The following GIPC2 variants were observed in gnomAD, a reference collection of about 807,000 sequenced individuals.
GIPC2 encodes the protein PDZ domain-containing protein GIPC2.
A neutral mutation model predicts 30.6 loss-of-function variants in GIPC2; 30 were observed. The ratio of observed to expected loss-of-function variants is 0.98; its 90% CI spans 0.73 to 1.33. The LOEUF (loss-of-function observed/expected upper bound fraction) is 1.33. GIPC2 is among the 40% of genes most tolerant of loss of function. The pLI is 0.00. For synonymous variants in GIPC2, 167 were observed against 150.0 expected, an observed-to-expected ratio of 1.11 and a Z score of -0.83; for missense variants, 414 against 390.3, an observed-to-expected ratio of 1.06 and a Z score of -0.51.
intron 1 of GIPC2, among the ~76,000 whole-genome samples, chr1:78,076,456 T>C (rs752361833): frequency 7.9e-5 from 12 of 152,150 alleles, no homozygotes; most frequent in Admixed American, 2.0e-4. Flanking sequence ...AGTGGGATGG[T>C]CTCTGGATGA....
At chr1:78,120,963 C>G (rs1008368439) in intron 4 of GIPC2, among the ~76,000 whole-genome samples, 1 of 152,196 alleles carries the variant, frequency 6.6e-6, no homozygotes, top group Non-Finnish European at 1.5e-5. Flanking sequence ...GCTCACATGT[C>G]TTGTTCACTG....
chr1:78,055,087 G>C (rs1661263597), intron 1 of GIPC2, among the ~76,000 whole-genome samples: 1 of 152,184 alleles, frequency 6.6e-6, no homozygotes, highest in Non-Finnish European at 1.5e-5. Flanking sequence ...AAAATTTATT[G>C]ACTGGGAAGT....
chr1:78,107,324 T>G (rs1245437890), intron 3 of GIPC2, among the ~76,000 whole-genome samples: 1 of 151,914 alleles, frequency 6.6e-6, no homozygotes, highest in Non-Finnish European at 1.5e-5. Context: ...TTTCAGTGTT[T>G]TGTAGAGATG....
At chr1:78,065,118 A>C (rs1167332915) in intron 1 of GIPC2, among the ~76,000 whole-genome samples, 10 of 152,186 alleles carry the variant, frequency 6.6e-5, no homozygotes. Flanking sequence ...GACTATAGAC[A>C]AAAGCCACCA....
Position 78,113,646 on chromosome 1 carries a change from C to G in GIPC2, c.608-5747C>G, listed in dbSNP as rs184138402. Among the ~76,000 whole-genome samples, 649 of 152,270 alleles carry G rather than the reference C, an allele frequency of 4.3e-3. 1 individual carries two copies. The highest frequency in any genetic ancestry group is 7.1e-3 in the Non-Finnish European group (485 of 68,036). On this transcript the variant is annotated intron_variant, in intron 3 of 5. Transcript: ENST00000370759. ...TCAAGTGATCCGCCACCCTTGGCCT[C>G]TCAAAACGCTGGGATTAGAGGCGTG...
intron 1 of GIPC2, among the ~76,000 whole-genome samples, chr1:78,071,715 A>G (rs1285228324): frequency 6.6e-6 from 1 of 151,862 alleles, no homozygotes; most frequent in Non-Finnish European, 1.5e-5. Context: ...GTGTGCTGTC[A>G]CGCCTGTCTT....
At chr1:78,058,450 C>T (rs1211992166) in intron 1 of GIPC2, among the ~76,000 whole-genome samples, 1 of 152,024 alleles carries the variant, frequency 6.6e-6, no homozygotes. Flanking sequence ...GAAGGATTCA[C>T]TCAGAGCGCT....
chr1:78,070,820 A>G (rs1661604268), intron 1 of GIPC2, among the ~76,000 whole-genome samples: 1 of 152,042 alleles, frequency 6.6e-6, no homozygotes. Flanking sequence ...ATATTATTTT[A>G]CTCATTAGTA....
chr1:78,095,359 T>C (rs372701667), intron 3 of GIPC2, among the ~76,000 whole-genome samples: 1 of 152,172 alleles, frequency 6.6e-6, no homozygotes, highest in Non-Finnish European at 1.5e-5. Context: ...TTCCAAACAT[T>C]TGAAATTACA....
chr1:78,126,550 GA>G (rs66776463), intron 5 of GIPC2, among the ~76,000 whole-genome samples: 33,218 of 146,104 alleles, frequency 0.23, 4,072 homozygotes, highest in East Asian at 0.61. Context: ...CTGGCTTAAG[GA>G]AAAAAAAAAA....
Position 78,046,060 on chromosome 1 carries a change from C to T in GIPC2, c.-35C>T, listed in dbSNP as rs1157992049. 2 of 1,403,304 alleles carry T rather than the reference C, an allele frequency of 1.4e-6. No homozygotes were observed. The highest frequency in any genetic ancestry group is 1.8e-6 in the Non-Finnish European group (2 of 1,081,334). 86.9% of individuals were successfully genotyped at this position (1,403,304 alleles called of 1,614,324 possible). On this transcript the variant is annotated 5_prime_UTR_variant, in exon 1 of 6. Coordinates refer to ENST00000370759, the MANE Select transcript of GIPC2 (RefSeq NM_017655.6). Reference sequence around the variant, plus strand: ...GCCGGGGGGAGGAGGCGGCGGACGGCAGCGCAGGTGGGCCCGCGCTCTCGG... The same window carrying T: ...GCCGGGGGGAGGAGGCGGCGGACGGTAGCGCAGGTGGGCCCGCGCTCTCGG...
chr1:78,085,241 T>C (rs564437870), intron 2 of GIPC2, among the ~76,000 whole-genome samples: 1 of 152,234 alleles, frequency 6.6e-6, no homozygotes, highest in South Asian at 2.1e-4. Context: ...TTTATTGATA[T>C]GCTTATGTTG....
chr1:78,065,697 A>G (rs908063771), intron 1 of GIPC2, among the ~76,000 whole-genome samples: 1 of 152,322 alleles, frequency 6.6e-6, no homozygotes, highest in Non-Finnish European at 1.5e-5. Context: ...GTACAACAAT[A>G]GATATATAGA....
intron 2 of GIPC2, chr1:78,094,747 C>T (rs920366347): frequency 1.8e-5 from 8 of 436,588 alleles, no homozygotes; most frequent in African/African-American, 1.6e-4. Context: ...ATTGTTATGT[C>T]AATACATTGT....
At chr1:78,077,548 A>G (rs1394742254) in intron 1 of GIPC2, among the ~76,000 whole-genome samples, 1 of 152,164 alleles carries the variant, frequency 6.6e-6, no homozygotes, top group Non-Finnish European at 1.5e-5. Flanking sequence ...TTAAGATTAT[A>G]TCTACTGAAT....
chr1:78,071,511 C>G (rs937794578), intron 1 of GIPC2, among the ~76,000 whole-genome samples: 2 of 150,240 alleles, frequency 1.3e-5, no homozygotes, highest in African/African-American at 2.4e-5. Context: ...CTTCCTCTTC[C>G]TCTCCTTCTT....
chr1:78,053,471 A>C (rs1203569240), intron 1 of GIPC2, among the ~76,000 whole-genome samples: 9 of 152,132 alleles, frequency 5.9e-5, no homozygotes, highest in Admixed American at 5.9e-4. Context: ...CACCCTCCTC[A>C]CAAGGAGCAA....
rs768131618 is a variant in GIPC2, at chr1:78,059,752, CAA to C, written c.240+13419_240+13420del. On this transcript the variant is annotated intron_variant, in intron 1 of 5. Coordinates refer to ENST00000370759, the MANE Select transcript of GIPC2 (RefSeq NM_017655.6). ...TGCCACTGCCCTCCAGCCTGGGTAA[CAA>C]GAGTGAGAAAAAACAAAAAACAATA... is the stretch of plus-strand genomic sequence containing the variant. Among the ~76,000 whole-genome samples the C allele has an allele frequency of 4.8e-4, 73 of 150,920 alleles. 1 individual carries two copies. The highest frequency in any genetic ancestry group is 1.1e-3 in the Admixed American group (16 of 15,152).
At position 78,119,492 on chromosome 1, in the gene GIPC2, A is replaced by C. The variant is rs1290909078; in HGVS notation, c.707A>C (p.Glu236Ala). ...AGATCAAAAGGTCCTGCCACCGTGG[A>C]AGAAATGGTATGTTATGTTCATTTA... is the stretch of plus-strand genomic sequence containing the variant. ...RLRSKGPATV[E>A]EMPSETKAKA... The change falls in exon 4 of 6, where the codon GAA becomes GCA. Residue 236 changes from glutamate to alanine, a missense_variant. Coordinates refer to ENST00000370759, the MANE Select transcript of GIPC2 (RefSeq NM_017655.6). The C allele has an allele frequency of 6.3e-7, 1 of 1,589,678 alleles. No homozygotes were observed. The highest frequency in any genetic ancestry group is 1.7e-5 in the Admixed American group (1 of 59,972).
Sources: gnomAD v4.1 joint callset for allele counts (sites outside exome capture counted in the v4.1 genomes callset) on GRCh38, gnomAD v4.1.1 for gene constraint, MANE v1.5 for transcripts, NCBI Gene and HGNC (gene_info 2026-07-23, HGNC 2026-07-21) for gene names.